ASAP2: variants seen among roughly 807,000 people sequenced by gnomAD.
ASAP2 encodes the protein ArfGAP with SH3 domain, ankyrin repeat and PH domain 2.
In ASAP2, 45 loss-of-function variants were observed where a neutral mutation model predicts 131.4. The ratio of observed to expected loss-of-function variants is 0.34; its 90% CI spans 0.27 to 0.44. The LOEUF (loss-of-function observed/expected upper bound fraction) is 0.44. Ranked by LOEUF, ASAP2 falls within the 20% of genes least tolerant of loss-of-function variation. ASAP2 has a pLI of 1.00. For synonymous variants in ASAP2, 510 were observed against 503.0 expected (o/e 1.01, Z -0.19); for missense variants, 1,011 against 1,297.0 (o/e 0.78, Z 3.39).
chr2:9,207,311 A>G lies in ASAP2; in HGVS notation c.126+81A>G. ...CCGCCGCTCCCGCATCCGCATCCCG[A>G]GAAAACTTTCTTTGCTCCGAAGCCG... On this transcript the variant is annotated intron_variant, in intron 1 of 27. Coordinates refer to ENST00000281419, the MANE Select transcript of ASAP2 (RefSeq NM_003887.3). The surrounding 1 kb of genome is among the most constrained non-coding windows in gnomAD (Gnocchi z 4.1). 7.0e-7 allele frequency: 1 copy of G among 1,433,038 alleles called. No individual in the cohort carries two copies. The highest frequency in any genetic ancestry group is 1.4e-5 in the South Asian group (1 of 73,348). The allele number at this position is 1,433,038 out of a possible 1,614,324, so 88.8% of individuals were successfully genotyped here.
intron 11 of ASAP2, among the ~76,000 whole-genome samples, chr2:9,349,695 A>G (rs187519858): frequency 8.5e-5 from 13 of 152,332 alleles, no homozygotes; most frequent in Admixed American, 7.2e-4. Flanking sequence ...ACTTTATCTG[A>G]CTTTCACTAG....
chr2:9,212,687 G>A (rs1172852645), intron 1 of ASAP2, among the ~76,000 whole-genome samples: 1 of 152,144 alleles, frequency 6.6e-6, no homozygotes, highest in Non-Finnish European at 1.5e-5. Flanking sequence ...TGTCTGATGA[G>A]GCAGCCTAAG....
intron 12 of ASAP2, among the ~76,000 whole-genome samples, chr2:9,351,846 T>C (rs1672355791): frequency 6.6e-6 from 1 of 152,200 alleles, no homozygotes; most frequent in Admixed American, 6.5e-5. Context: ...ATACCCTCTG[T>C]GTGAATCTCT....
chr2:9,402,159 G>A (rs1189565731), intron 27 of ASAP2, among the ~76,000 whole-genome samples: 1 of 152,212 alleles, frequency 6.6e-6, no homozygotes, highest in Non-Finnish European at 1.5e-5. Flanking sequence ...TCGAGTGCGA[G>A]GAGTTTGGAC....
intron 19 of ASAP2, 73 bp from the exon 20 acceptor site, chr2:9,380,667 TA>T: frequency 7.1e-7 from 1 of 1,412,512 alleles, no homozygotes; most frequent in Non-Finnish European, 1.0e-6. Flanking sequence ...CTGTTCCTTT[TA>T]AAAATTGTCC....
chr2:9,275,086 T>TC (rs1311803719), intron 1 of ASAP2, among the ~76,000 whole-genome samples: 1 of 150,152 alleles, frequency 6.7e-6, no homozygotes, highest in Non-Finnish European at 1.5e-5. Context: ...TTGTCTGTTT[T>TC]TTTTTTTTTT....
At chr2:9,234,573 C>A (rs1663407127) in intron 1 of ASAP2, among the ~76,000 whole-genome samples, 1 of 152,178 alleles carries the variant, frequency 6.6e-6, no homozygotes, top group Non-Finnish European at 1.5e-5. Flanking sequence ...GATGGGACAT[C>A]TGGGACTTCA....
chr2:9,343,487 C>T (rs1378122279), intron 9 of ASAP2, among the ~76,000 whole-genome samples: 1 of 152,228 alleles, frequency 6.6e-6, no homozygotes, highest in African/African-American at 2.4e-5. Flanking sequence ...CGCTCTGTCA[C>T]TGAGGTTGGA....
At chr2:9,334,067 G>GTTTTA (rs1558340525) in intron 7 of ASAP2, among the ~76,000 whole-genome samples, 1 of 120,912 alleles carries the variant, frequency 8.3e-6, no homozygotes, top group African/African-American at 3.2e-5. Context: ...TTTTTTTTTG[G>GTTTTA]GAGACAGTCT....
intron 21 of ASAP2, among the ~76,000 whole-genome samples, chr2:9,386,847 G>T (rs896945116): frequency 3.3e-5 from 5 of 152,188 alleles, no homozygotes; most frequent in African/African-American, 1.2e-4. Flanking sequence ...AATGAAGCTG[G>T]CATTTGAAAT....
chr2:9,341,150 CT>C (rs1255944857), intron 9 of ASAP2, among the ~76,000 whole-genome samples: 23 of 152,136 alleles, frequency 1.5e-4, no homozygotes, highest in Admixed American at 1.5e-3. Context: ...AGGAGAGGTT[CT>C]TTTTCCTTGC....
At chr2:9,270,840 T>A (rs1666322522) in intron 1 of ASAP2, among the ~76,000 whole-genome samples, 3 of 130,880 alleles carry the variant, frequency 2.3e-5, no homozygotes, top group African/African-American at 8.7e-5. Flanking sequence ...TCGCCCAGGC[T>A]GGAGTGCAGT....
chr2:9,276,103 A>C (rs1470069089), intron 1 of ASAP2, among the ~76,000 whole-genome samples: 2 of 152,240 alleles, frequency 1.3e-5, no homozygotes, highest in African/African-American at 4.8e-5. Flanking sequence ...TGTGAATTCC[A>C]AGAAGGCACA....
intron 15 of ASAP2, among the ~76,000 whole-genome samples, chr2:9,362,525 T>G (rs1177670615): frequency 2.0e-5 from 3 of 152,232 alleles, no homozygotes. Flanking sequence ...GCTTATGTTT[T>G]GTGGTGAGAA....
intron 1 of ASAP2, among the ~76,000 whole-genome samples, chr2:9,245,433 G>A (rs546168122): frequency 1.6e-4 from 25 of 152,240 alleles, no homozygotes; most frequent in African/African-American, 5.8e-4. Context: ...GGTGTGGAGG[G>A]TTCTATAAAA....
chr2:9,320,208 G>C, intron 4 of ASAP2, 80 bp from the exon 5 acceptor site: 2 of 1,167,426 alleles, frequency 1.7e-6, no homozygotes, highest in Non-Finnish European at 2.5e-6. Context: ...TCCTTTCAGG[G>C]CTAGTACAGG....
intron 27 of ASAP2, 74 bp downstream of exon 27, chr2:9,401,470 C>T: frequency 1.3e-6 from 2 of 1,552,964 alleles, no homozygotes; most frequent in Non-Finnish European, 8.7e-7. Flanking sequence ...GAGAGACGGG[C>T]TTGCAGGTGA....
chr2:9,234,036 G>C (rs1347977490), intron 1 of ASAP2, among the ~76,000 whole-genome samples: 1 of 150,976 alleles, frequency 6.6e-6, no homozygotes, highest in Admixed American at 6.6e-5. Context: ...GCTTGAACCC[G>C]GGAGGCGGAG....
rs1231540633 is a variant in ASAP2, at chr2:9,355,973, A to G, written c.1112-74A>G. 5.8e-6 allele frequency: 9 copies of G among 1,543,416 alleles called. No homozygotes were observed. The Admixed American group carries it at 6.7e-5, about 11-fold the overall frequency. ...GCTAAGATTATTCCAGAGGCTAATT[A>G]GAAACTATTTTCTTTTGGAATTGTG... On this transcript the variant is annotated intron_variant, in intron 12 of 27. Transcript: ENST00000281419.
Sources: gnomAD v4.1 joint callset for allele counts (sites outside exome capture counted in the v4.1 genomes callset) on GRCh38, gnomAD v4.1.1 for gene constraint, Gnocchi (gnomAD v3.1) non-coding constraint, MANE v1.5 for transcripts, NCBI Gene and HGNC (gene_info 2026-07-23, HGNC 2026-07-21) for gene names.